The following GRB10 variants were observed in gnomAD, a reference collection of about 807,000 sequenced individuals.
GRB10 encodes growth factor receptor-bound protein 10.
In GRB10, 20 loss-of-function variants were observed where a neutral mutation model predicts 80.9. The observed-to-expected ratio is 0.25, with a 90% CI of 0.17 to 0.36. GRB10 has a LOEUF of 0.36. GRB10 is among the 10% of genes least tolerant of loss of function. The pLI is 1.00. For missense variants in GRB10, 548 were observed against 747.7 expected (o/e 0.73, Z 3.12); for synonymous variants, 291 against 291.5 (o/e 1.00, Z 0.02).
intron 7 of GRB10, among the ~76,000 whole-genome samples, chr7:50,665,800 TG>T (rs1030202447): frequency 2.6e-5 from 4 of 152,090 alleles, no homozygotes; most frequent in African/African-American, 9.7e-5. Flanking sequence ...AAGGAATGAG[TG>T]GGCTGTCAGA....
At chr7:50,675,208 C>A (rs1019621993) in intron 5 of GRB10, among the ~76,000 whole-genome samples, 7 of 152,244 alleles carry the variant, frequency 4.6e-5, no homozygotes, top group African/African-American at 1.7e-4. Flanking sequence ...ACAACACATG[C>A]CTGAGGGCTT....
intron 7 of GRB10, among the ~76,000 whole-genome samples, chr7:50,650,997 T>C (rs1268349547): frequency 6.6e-6 from 1 of 152,246 alleles, no homozygotes; most frequent in Non-Finnish European, 1.5e-5. Context: ...ACAGCATTAA[T>C]TTTCTTCATG....
chr7:50,711,042 G>A (rs1587284936), intron 4 of GRB10: 1 of 760,242 alleles, frequency 1.3e-6, no homozygotes, highest in East Asian at 2.5e-5. Context: ...GGTAAACAAA[G>A]ACCAATGCCA....
At chr7:50,654,463 G>A (rs564477307) in intron 7 of GRB10, among the ~76,000 whole-genome samples, 2 of 152,342 alleles carry the variant, frequency 1.3e-5, no homozygotes, top group South Asian at 4.1e-4. Flanking sequence ...CTGGTCAACA[G>A]GGAGAATTAC....
intron 4 of GRB10, among the ~76,000 whole-genome samples, chr7:50,713,575 A>C (rs1587332416): frequency 7.6e-6 from 1 of 131,172 alleles, no homozygotes; most frequent in Non-Finnish European, 1.6e-5. Flanking sequence ...CACCATCTCC[A>C]TCCTCACCTC....
chr7:50,595,602 T>TATACAC lies in GRB10; in HGVS notation c.1545-73_1545-72insGTGTAT, dbSNP rs368289956. 1,088 of 561,504 alleles carry TATACAC rather than the reference T, an allele frequency of 1.9e-3. 9 individuals carry two copies. Among genetic ancestry groups the TATACAC allele is most frequent in the African/African-American group, 0.019 (952 of 51,264 alleles). The allele number at this position is 561,504 out of a possible 1,614,324, so 34.8% of individuals were successfully genotyped here. On this transcript the variant is annotated intron_variant, in intron 17 of 18. Transcript: ENST00000401949. ...AACTAATCACACACACACACTCTCTTACACACACACACACACACACACACA... is the reference window on the plus strand; with the variant it reads ...AACTAATCACACACACACACTCTCTTATACACACACACACACACACACACACACACA...
chr7:50,666,610 G>A (rs1054003245), intron 7 of GRB10, among the ~76,000 whole-genome samples: 4 of 152,124 alleles, frequency 2.6e-5, no homozygotes, highest in Admixed American at 6.5e-5. Context: ...CCCAGCACGC[G>A]GGCCAGGGGG....
At chr7:50,679,583 G>T (rs1164867843) in intron 5 of GRB10, among the ~76,000 whole-genome samples, 1 of 152,128 alleles carries the variant, frequency 6.6e-6, no homozygotes, top group Non-Finnish European at 1.5e-5. Context: ...CTTCTTCACA[G>T]ACCTACACAA....
chr7:50,595,362 A>G lies in GRB10; in HGVS notation c.1638+75T>C, dbSNP rs185633646. 2.4e-4 allele frequency: 202 copies of G among 846,556 alleles called. 1 individual carries two copies. In the African/African-American group the frequency reaches 3.0e-3, roughly 13 times the overall value. 52.4% of individuals were successfully genotyped at this position (846,556 alleles called of 1,614,324 possible). Reference sequence around the variant, plus strand: ...TGATACTTACCGGTCTTGTCGGTTTATAACTTGAAAATTGCATTAAGAATG... The same window carrying G: ...TGATACTTACCGGTCTTGTCGGTTTGTAACTTGAAAATTGCATTAAGAATG... On this transcript the variant is annotated intron_variant, in intron 18 of 18. Transcript: ENST00000401949.
chr7:50,602,240 A>G (rs1181785306), intron 17 of GRB10, among the ~76,000 whole-genome samples: 1 of 152,240 alleles, frequency 6.6e-6, no homozygotes, highest in Non-Finnish European at 1.5e-5. Flanking sequence ...ATGATTTTGG[A>G]ACACCTAATG....
intron 4 of GRB10, among the ~76,000 whole-genome samples, chr7:50,729,572 C>G (rs2069268594): frequency 1.3e-5 from 2 of 152,116 alleles, no homozygotes; most frequent in African/African-American, 4.8e-5. Flanking sequence ...CCAGAGGGAG[C>G]TCCATAAACC....
chr7:50,762,919 G>A (rs1562648654), intron 2 of GRB10, among the ~76,000 whole-genome samples: 1 of 152,078 alleles, frequency 6.6e-6, no homozygotes, highest in East Asian at 1.9e-4. Context: ...AGATGGAGAC[G>A]ATCCTGGCTA....
At chr7:50,726,269 A>G (rs2068627398) in intron 4 of GRB10, among the ~76,000 whole-genome samples, 1 of 152,122 alleles carries the variant, frequency 6.6e-6, no homozygotes, top group Non-Finnish European at 1.5e-5. Context: ...GTGATGGTGC[A>G]TGCCTATAAT....
intron 4 of GRB10, among the ~76,000 whole-genome samples, chr7:50,706,598 G>A (rs2065066573): frequency 1.3e-5 from 2 of 152,228 alleles, no homozygotes; most frequent in African/African-American, 4.8e-5. Context: ...CCAGAGGTAA[G>A]CAGTGGCCCC....
intron 5 of GRB10, among the ~76,000 whole-genome samples, chr7:50,686,389 T>C (rs1381971597): frequency 6.6e-6 from 1 of 152,208 alleles, no homozygotes; most frequent in African/African-American, 2.4e-5. Flanking sequence ...ATGTTGTTTG[T>C]AAGCCACCCA....
chr7:50,618,414 C>T (rs887217825), intron 9 of GRB10, among the ~76,000 whole-genome samples: 11 of 152,328 alleles, frequency 7.2e-5, no homozygotes, highest in South Asian at 4.2e-4. Context: ...TGGCAAAGAG[C>T]GATGCCAGCG....
intron 1 of GRB10, among the ~76,000 whole-genome samples, chr7:50,791,955 C>T (rs1205823775): frequency 6.6e-6 from 1 of 152,196 alleles, no homozygotes; most frequent in African/African-American, 2.4e-5. Flanking sequence ...TAACTCTTTC[C>T]TCCTGGAAAG....
At chr7:50,597,593 C>T (rs765608176) in intron 17 of GRB10, among the ~76,000 whole-genome samples, 3 of 152,256 alleles carry the variant, frequency 2.0e-5, no homozygotes, top group Admixed American at 6.5e-5. Context: ...AAGCTACAGA[C>T]GAGTGAATGG....
intron 7 of GRB10, among the ~76,000 whole-genome samples, chr7:50,633,334 A>G (rs892300506): frequency 6.6e-6 from 1 of 152,184 alleles, no homozygotes; most frequent in African/African-American, 2.4e-5. Context: ...TTGGCCCCCT[A>G]AAACTACAGA....
Sources: gnomAD v4.1 joint callset for allele counts (sites outside exome capture counted in the v4.1 genomes callset) on GRCh38, gnomAD v4.1.1 for gene constraint, MANE v1.5 for transcripts, NCBI Gene and HGNC (gene_info 2026-07-23, HGNC 2026-07-21) for gene names.